Variants in LSAMP observed in about 807,000 individuals in gnomAD.
LSAMP encodes limbic system-associated membrane protein.
LSAMP carries 7 observed loss-of-function variants against 38.6 expected under a neutral mutation model. The ratio of observed to expected loss-of-function variants is 0.18; its 90% confidence interval spans 0.10 to 0.34. The LOEUF (loss-of-function observed/expected upper bound fraction) is 0.34, where lower values mean the gene tolerates loss of function less well. Ranked by LOEUF, LSAMP falls within the 10% of genes least tolerant of loss-of-function variation. The probability of loss-of-function intolerance (pLI) is 1.00; values close to 1 mark genes in which losing one functional copy is unlikely to be tolerated. For missense variants in LSAMP, 313 were observed against 420.0 expected (o/e 0.75, Z 2.23); for synonymous variants, 154 against 166.8 (o/e 0.92, Z 0.59).
chr3:115,982,764 C>T (rs1203881566), intron 3 of LSAMP, among the ~76,000 whole-genome samples: 2 of 152,194 alleles, frequency 1.3e-5, no homozygotes, highest in African/African-American at 4.8e-5. Flanking sequence ...CCATCACTGT[C>T]TCAGCCAGGG....
intron 1 of LSAMP, chr3:116,368,010 AAAC>A (rs1341235799): frequency 2.6e-5 from 4 of 152,218 alleles, no homozygotes; most frequent in Non-Finnish European, 5.9e-5. Flanking sequence ...ACATTCTCTT[AAAC>A]TAATGAAATG....
chr3:116,111,001 C>CTGAGTCAG (rs1463535124), intron 1 of LSAMP, among the ~76,000 whole-genome samples: 10 of 151,672 alleles, frequency 6.6e-5, no homozygotes, highest in Non-Finnish European at 1.5e-4. Context: ...CGGGGGGTCA[C>CTGAGTCAG]AAGGTGCTCA....
chr3:116,161,692 A>G (rs1260359250), intron 1 of LSAMP, among the ~76,000 whole-genome samples: 1 of 152,176 alleles, frequency 6.6e-6, no homozygotes, highest in African/African-American at 2.4e-5. Flanking sequence ...CAAACTGTCT[A>G]CAGATGGGCT....
intron 3 of LSAMP, among the ~76,000 whole-genome samples, chr3:115,932,225 T>C (rs774627652): frequency 6.6e-6 from 1 of 152,180 alleles, no homozygotes; most frequent in Non-Finnish European, 1.5e-5. Flanking sequence ...TCCCATATTA[T>C]AGATACTGAA....
At chr3:116,212,722 G>C (rs745718410) in intron 1 of LSAMP, among the ~76,000 whole-genome samples, 1 of 152,176 alleles carries the variant, frequency 6.6e-6, no homozygotes, top group Non-Finnish European at 1.5e-5. Context: ...GTAAGTGCTA[G>C]TTCCTTATGG....
At chr3:116,412,879 T>C (rs2048998472) in intron 1 of LSAMP, among the ~76,000 whole-genome samples, 1 of 152,002 alleles carries the variant, frequency 6.6e-6, no homozygotes, top group African/African-American at 2.4e-5. Flanking sequence ...CTCTTTGAAG[T>C]TAATTATTTT....
At chr3:116,177,479 G>A (rs879632194) in intron 1 of LSAMP, among the ~76,000 whole-genome samples, 18 of 151,986 alleles carry the variant, frequency 1.2e-4, no homozygotes, top group Non-Finnish European at 2.2e-4. Flanking sequence ...ATGCAAAATA[G>A]GTTGGTAAGT....
At chr3:115,827,947 C>T (rs1434456731) in intron 6 of LSAMP, among the ~76,000 whole-genome samples, 2 of 152,114 alleles carry the variant, frequency 1.3e-5, no homozygotes, top group Non-Finnish European at 2.9e-5. Context: ...TTAATACCTA[C>T]AAATAACTTG....
chr3:116,056,611 T>G lies in LSAMP; in HGVS notation c.388+29713A>C, dbSNP rs140988370. On this transcript the variant is annotated intron_variant, in intron 2 of 6. Coordinates refer to ENST00000490035, the MANE Select transcript of LSAMP (RefSeq NM_002338.5). ...ATTAACTCTCTGAGCATAACGCTTA[T>G]TTTTAATAACAAAGGCATCTTTAAG... Among the ~76,000 whole-genome samples the G allele has an allele frequency of 4.4e-3, 666 of 152,304 alleles. 7 individuals carry two copies. Among genetic ancestry groups the G allele is most frequent in the African/African-American group, 0.016 (649 of 41,596 alleles).
chr3:116,211,160 A>G (rs2046151647), intron 1 of LSAMP, among the ~76,000 whole-genome samples: 1 of 152,242 alleles, frequency 6.6e-6, no homozygotes, highest in Middle Eastern at 3.2e-3. Context: ...AGAAGCAGAA[A>G]GAAGAATGAC....
chr3:116,318,349 T>C (rs1408396874), intron 1 of LSAMP, among the ~76,000 whole-genome samples: 1 of 152,126 alleles, frequency 6.6e-6, no homozygotes, highest in Non-Finnish European at 1.5e-5. Flanking sequence ...TAGCAGCTAG[T>C]GTGCTCCAGT....
intron 6 of LSAMP, among the ~76,000 whole-genome samples, chr3:115,837,677 T>A (rs899002585): frequency 2.1e-4 from 32 of 152,316 alleles, no homozygotes; most frequent in African/African-American, 7.7e-4. Context: ...AAAAAATAGA[T>A]TCTGCTCACC....
At chr3:116,374,811 A>G (rs746597600) in intron 1 of LSAMP, among the ~76,000 whole-genome samples, 7 of 152,050 alleles carry the variant, frequency 4.6e-5, no homozygotes, top group Non-Finnish European at 8.8e-5. Context: ...CCTAGACTCA[A>G]GAACTGAAAG....
chr3:116,258,400 CA>C (rs1312618973), intron 1 of LSAMP, among the ~76,000 whole-genome samples: 5 of 151,848 alleles, frequency 3.3e-5, no homozygotes, highest in Admixed American at 3.3e-4. Flanking sequence ...TTTTTTAAAT[CA>C]GTTAATAATT....
In LSAMP at chr3:116,350,607, G is replaced by A. The variant is rs528971838; in HGVS notation, c.155+94270C>T. Among the ~76,000 whole-genome samples the A allele has an allele frequency of 2.0e-5, 3 of 148,704 alleles. No individual in the cohort carries two copies. The South Asian group carries it at 6.3e-4, about 31-fold the overall frequency. ...TCAGATCAACTAACATGGTATCACA[G>A]TGCTTATGTCAAGGAACCTTTTTTT... On this transcript the variant is annotated intron_variant, in intron 1 of 6. Coordinates refer to ENST00000490035, the MANE Select transcript of LSAMP (RefSeq NM_002338.5).
intron 1 of LSAMP, among the ~76,000 whole-genome samples, chr3:116,291,314 C>T (rs879396730): frequency 7.9e-5 from 12 of 152,088 alleles, no homozygotes; most frequent in Non-Finnish European, 1.0e-4. Flanking sequence ...ATGGTTTGGC[C>T]ATATGGGCAG....
At chr3:116,037,213 T>C (rs909643656) in intron 2 of LSAMP, among the ~76,000 whole-genome samples, 1 of 152,186 alleles carries the variant, frequency 6.6e-6, no homozygotes, top group African/African-American at 2.4e-5. Flanking sequence ...GGTTTCCTTA[T>C]TAAACAATCA....
chr3:116,307,073 G>A (rs1442337121), intron 1 of LSAMP, among the ~76,000 whole-genome samples: 1 of 152,016 alleles, frequency 6.6e-6, no homozygotes, highest in Non-Finnish European at 1.5e-5. Context: ...CAAGAAAAGA[G>A]ATATATAATC....
intron 1 of LSAMP, among the ~76,000 whole-genome samples, chr3:116,250,604 G>A (rs574791395): frequency 6.6e-6 from 1 of 151,814 alleles, no homozygotes; most frequent in East Asian, 1.9e-4. Flanking sequence ...GCTTAGGCCT[G>A]TAATCCCAGC....
Sources: gnomAD v4.1 joint callset for allele counts (sites outside exome capture counted in the v4.1 genomes callset) on GRCh38, gnomAD v4.1.1 for gene constraint, MANE v1.5 for transcripts, NCBI Gene and HGNC (gene_info 2026-07-23, HGNC 2026-07-21) for gene names.